The following KIF26B variants were observed in gnomAD, a reference collection of about 807,000 sequenced individuals.
The protein encoded by KIF26B is kinesin-like protein KIF26B.
In KIF26B, 63 loss-of-function variants were observed where a neutral mutation model predicts 151.2. That is an observed-to-expected ratio of 0.42 (90% CI 0.34 to 0.51). KIF26B has a LOEUF of 0.51. KIF26B is among the 20% of genes least tolerant of loss of function. KIF26B has a pLI of 0.07. For synonymous variants in KIF26B, 1,357 were observed against 1,262.1 expected, an observed-to-expected ratio of 1.08 and a Z score of -1.59; for missense variants, 2,813 against 2,913.6, an observed-to-expected ratio of 0.97 and a Z score of 0.79.
At chr1:245,526,556 G>A (rs545808962) in intron 4 of KIF26B, among the ~76,000 whole-genome samples, 2 of 151,934 alleles carry the variant, frequency 1.3e-5, no homozygotes, top group Non-Finnish European at 2.9e-5. Flanking sequence ...AATGAAAGGG[G>A]GGAAAAGAAA....
In KIF26B at chr1:245,351,454, G is replaced by A. The variant is rs576273537; in HGVS notation, c.466-15380G>A. ...AGAAAACTCAGCTATGCCTTTTCCC[G>A]TCTTAAACATAGGGAAAACTCAGCT... On this transcript the variant is annotated intron_variant, in intron 2 of 14. Coordinates refer to ENST00000407071, the MANE Select transcript of KIF26B (RefSeq NM_018012.4). Among the ~76,000 whole-genome samples the A allele has an allele frequency of 8.0e-4, 121 of 151,974 alleles. 1 individual carries two copies. Among genetic ancestry groups the A allele is most frequent in the African/African-American group, 2.4e-3 (101 of 41,400 alleles).
At chr1:245,344,490 G>T (rs1237081489) in intron 2 of KIF26B, among the ~76,000 whole-genome samples, 2 of 97,996 alleles carry the variant, frequency 2.0e-5, no homozygotes, top group South Asian at 4.1e-4. Flanking sequence ...GCTAGACTCC[G>T]TCTCAAAAAA....
chr1:245,291,982 C>T (rs1037225949), intron 2 of KIF26B, among the ~76,000 whole-genome samples: 1 of 152,130 alleles, frequency 6.6e-6, no homozygotes, highest in East Asian at 1.9e-4. Flanking sequence ...GGCACTTTCC[C>T]AAGAGATGAC....
Position 245,572,542 on chromosome 1 carries a change from G to A in KIF26B, c.1351-30035G>A, listed in dbSNP as rs1445199071. On this transcript the variant is annotated intron_variant, in intron 5 of 14. Transcript: ENST00000407071. The surrounding 1 kb of genome is among the most constrained non-coding windows in gnomAD (Gnocchi z 4.2). ...TCAGGACCCTCCCGGTGAACACTCA[G>A]TTAAAATTCCTACTCGCTGCAGTGG... Among the ~76,000 whole-genome samples, 2 of 152,098 alleles carry A rather than the reference G, an allele frequency of 1.3e-5. No homozygotes were observed. The highest frequency in any genetic ancestry group is 2.9e-5 in the Non-Finnish European group (2 of 68,030).
At chr1:245,528,042 C>T (rs1368654070) in intron 4 of KIF26B, among the ~76,000 whole-genome samples, 3 of 152,016 alleles carry the variant, frequency 2.0e-5, no homozygotes, top group South Asian at 4.2e-4. Flanking sequence ...CAGGGAGCAT[C>T]CGATAAGAAC....
Position 245,684,518 on chromosome 1 carries a change from G to A in KIF26B, c.2421+123G>A, listed in dbSNP as rs990827989. 2.0e-5 allele frequency: 21 copies of A among 1,072,420 alleles called. 1 individual carries two copies. In the East Asian group the frequency reaches 5.5e-4, roughly 28 times the overall value. 66.4% of individuals were successfully genotyped at this position (1,072,420 alleles called of 1,614,324 possible). A position where few individuals can be genotyped will look rare whatever the true frequency, so the allele number is the denominator to read the frequency against. Reference sequence around the variant, plus strand: ...CCCCAGCATCAGGAGATGTGACTTGGAGCTGACAACACGTGGCTCAGGGTC... The same window carrying A: ...CCCCAGCATCAGGAGATGTGACTTGAAGCTGACAACACGTGGCTCAGGGTC... On this transcript the variant is annotated intron_variant, in intron 11 of 14. Transcript: ENST00000407071.
chr1:245,638,449 T>C (rs533626728), intron 9 of KIF26B, among the ~76,000 whole-genome samples: 1 of 151,970 alleles, frequency 6.6e-6, no homozygotes, highest in Non-Finnish European at 1.5e-5. Context: ...ACTTCTTCCT[T>C]TCTAATTTGG....
At chr1:245,558,959 A>G (rs1662102058) in intron 5 of KIF26B, among the ~76,000 whole-genome samples, 1 of 152,232 alleles carries the variant, frequency 6.6e-6, no homozygotes, top group African/African-American at 2.4e-5. Flanking sequence ...AGTTCTTGTC[A>G]GTTATGTAAG....
chr1:245,365,809 C>T (rs781491064), intron 2 of KIF26B, among the ~76,000 whole-genome samples: 33 of 152,042 alleles, frequency 2.2e-4, no homozygotes, highest in Middle Eastern at 3.2e-3. Flanking sequence ...TGTGGACAGA[C>T]GAGAGGTTCA....
chr1:245,418,966 G>C (rs1177217118), intron 3 of KIF26B, among the ~76,000 whole-genome samples: 1 of 152,166 alleles, frequency 6.6e-6, no homozygotes, highest in Non-Finnish European at 1.5e-5. Flanking sequence ...TAATGAACCA[G>C]CAGGAAAATG....
At chr1:245,510,084 C>T (rs1012592284) in intron 4 of KIF26B, among the ~76,000 whole-genome samples, 3 of 152,218 alleles carry the variant, frequency 2.0e-5, no homozygotes, top group South Asian at 2.1e-4. Context: ...GCTCCTGCCT[C>T]GCCTCTCTAC....
chr1:245,326,885 G>A (rs1446218866), intron 2 of KIF26B, among the ~76,000 whole-genome samples: 1 of 152,220 alleles, frequency 6.6e-6, no homozygotes, highest in Non-Finnish European at 1.5e-5. Context: ...TCAAGGATCA[G>A]GCCCCAAGAG....
At position 245,241,855 on chromosome 1, in the gene KIF26B, G is replaced by A. The variant is rs1451935193; in HGVS notation, c.465+85172G>A. ...GGTGGATCCCCTTAGCCTGTGGTAT[G>A]AGCTCAGTCCCCATTTCTCAGGTGG... is the stretch of plus-strand genomic sequence containing the variant. On this transcript the variant is annotated intron_variant, in intron 2 of 14. Transcript: ENST00000407071. The surrounding 1 kb of genome is among the most constrained non-coding windows in gnomAD (Gnocchi z 5.0). Among the ~76,000 whole-genome samples, 1 of 152,134 alleles carries A rather than the reference G, an allele frequency of 6.6e-6. No homozygotes were observed. The highest frequency in any genetic ancestry group is 2.4e-5 in the African/African-American group (1 of 41,442).
chr1:245,675,816 G>T (rs1432027075), intron 10 of KIF26B, among the ~76,000 whole-genome samples: 3 of 152,118 alleles, frequency 2.0e-5, no homozygotes, highest in Non-Finnish European at 2.9e-5. Context: ...AGTGTGAGGG[G>T]CCCATGTGAG....
chr1:245,706,903 G>C lies in KIF26B; in HGVS notation c.*4297G>C, dbSNP rs989052628. On this transcript the variant is annotated 3_prime_UTR_variant, in exon 15 of 15. Transcript: ENST00000407071. ...AGTAAATGGGTCTCAAATTTTGGTG[G>C]GGGCAGTGTTTCTTTGGATTCTGAT... 6.6e-6 allele frequency: 1 copy of C among 152,166 alleles called. No homozygotes were observed. Among genetic ancestry groups the C allele is most frequent in the Non-Finnish European group, 1.5e-5 (1 of 68,048 alleles). The allele number at this position is 152,166 out of a possible 1,614,324, so 9.4% of individuals were successfully genotyped here.
rs765043748 is a variant in KIF26B at position 245,564,773 on chromosome 1, G to A, written c.1350+23823G>A. On this transcript the variant is annotated intron_variant, in intron 5 of 14. Transcript: ENST00000407071. This position sits in a 1 kb window ranked among gnomAD's most constrained non-coding sequence, Gnocchi z 4.6. The stretch of plus-strand genomic sequence containing the variant: ...CGGACCAAGGGTGGTGGTGGGGGAT[G>A]ATGATTTCAGGAAGATTCCAGTGCA... Among the ~76,000 whole-genome samples the A allele has an allele frequency of 1.8e-4, 28 of 152,186 alleles. No homozygotes were observed. The highest frequency in any genetic ancestry group is 4.6e-4 in the Admixed American group (7 of 15,278).
At chr1:245,217,795 G>A (rs1350112807) in intron 2 of KIF26B, among the ~76,000 whole-genome samples, 4 of 152,114 alleles carry the variant, frequency 2.6e-5, no homozygotes, top group Non-Finnish European at 5.9e-5. Flanking sequence ...TCTTTCAGAC[G>A]AGGAAACCAA....
chr1:245,575,002 C>T lies in KIF26B; in HGVS notation c.1351-27575C>T, dbSNP rs1381004212. ...GCCTCAGCCTCCCGAGTAGCTGGGA[C>T]TACAGGCGCCCGCCACCACACCCGG... On this transcript the variant is annotated intron_variant, in intron 5 of 14. Transcript: ENST00000407071. Among the ~76,000 whole-genome samples, 4 of 150,852 alleles carry T rather than the reference C, an allele frequency of 2.7e-5. No individual in the cohort carries two copies. The South Asian group carries it at 6.3e-4, about 24-fold the overall frequency.
At chr1:245,395,655 G>A (rs908770590) in intron 3 of KIF26B, among the ~76,000 whole-genome samples, 7 of 152,148 alleles carry the variant, frequency 4.6e-5, no homozygotes, top group African/African-American at 1.7e-4. Context: ...TGGCAAGCTG[G>A]TATTTAAATC....
Sources: gnomAD v4.1 joint callset for allele counts (sites outside exome capture counted in the v4.1 genomes callset) on GRCh38, gnomAD v4.1.1 for gene constraint, Gnocchi (gnomAD v3.1) non-coding constraint, MANE v1.5 for transcripts, NCBI Gene and HGNC (gene_info 2026-07-23, HGNC 2026-07-21) for gene names.